CDH9: variants seen among roughly 807,000 people sequenced by gnomAD.
CDH9 encodes the protein cadherin 9, also known as cadherin-9.
CDH9 carries 28 observed loss-of-function variants against 70.9 expected under a neutral mutation model. That is an observed-to-expected ratio of 0.40 (90% CI 0.29 to 0.54). The LOEUF (loss-of-function observed/expected upper bound fraction) is 0.54. CDH9 is among the 20% of genes least tolerant of loss of function. The pLI is 0.59. For synonymous variants in CDH9, 409 were observed against 343.1 expected, an observed-to-expected ratio of 1.19 and a Z score of -2.12; for missense variants, 874 against 984.4, an observed-to-expected ratio of 0.89 and a Z score of 1.50.
chr5:26,925,412 T>A (rs1366998189), intron 2 of CDH9, among the ~76,000 whole-genome samples: 1 of 152,172 alleles, frequency 6.6e-6, no homozygotes, highest in Non-Finnish European at 1.5e-5. Context: ...TTTATTCTTG[T>A]AAGTTTGTTT....
chr5:26,958,443 G>C (rs1181107692), intron 2 of CDH9, among the ~76,000 whole-genome samples: 1 of 152,148 alleles, frequency 6.6e-6, no homozygotes, highest in Non-Finnish European at 1.5e-5. Context: ...CTCTCTGCGT[G>C]CCTCCTGAGA....
intron 2 of CDH9, among the ~76,000 whole-genome samples, chr5:26,970,270 T>C (rs1742196056): frequency 6.6e-6 from 1 of 152,026 alleles, no homozygotes; most frequent in Non-Finnish European, 1.5e-5. Context: ...TTCCCCTTCA[T>C]ATATACAGTG....
intron 1 of CDH9, among the ~76,000 whole-genome samples, chr5:27,030,117 T>C (rs1743286034): frequency 6.6e-6 from 1 of 151,958 alleles, no homozygotes; most frequent in Non-Finnish European, 1.5e-5. Context: ...CAGGACTGCA[T>C]TGTTGGAAGA....
At chr5:26,997,626 C>A (rs1306673693) in intron 1 of CDH9, among the ~76,000 whole-genome samples, 1 of 152,122 alleles carries the variant, frequency 6.6e-6, no homozygotes, top group Non-Finnish European at 1.5e-5. Context: ...TCCTGACATG[C>A]TGACATGTTT....
chr5:26,902,586 A>G lies in CDH9; in HGVS notation c.1143T>C (p.Pro381=). The G allele has an allele frequency of 6.2e-7, 1 of 1,600,922 alleles. No individual in the cohort carries two copies. The change falls in exon 7 of 12, where the codon CCT becomes CCC. Residue 381 remains proline, a synonymous_variant. Coordinates refer to ENST00000231021, the MANE Select transcript of CDH9 (RefSeq NM_016279.4). ...TCAAGTAAGAGACTTTAGTGAACAC[A>G]GGAGGCTCATCTATATCTTCCACAG... is the stretch of plus-strand genomic sequence containing the variant. ...KISVEDIDEP[P]VFTKVSYLIE... is the part of the protein sequence containing the mutation.
intron 2 of CDH9, among the ~76,000 whole-genome samples, chr5:26,961,065 T>C (rs1372804749): frequency 6.6e-6 from 1 of 152,080 alleles, no homozygotes; most frequent in Non-Finnish European, 1.5e-5. Flanking sequence ...TTAAAGTTGA[T>C]TGCCCATTTC....
intron 2 of CDH9, among the ~76,000 whole-genome samples, chr5:26,969,242 C>A (rs1742177974): frequency 2.0e-5 from 3 of 152,106 alleles, no homozygotes; most frequent in Admixed American, 6.5e-5. Context: ...AATATATCCG[C>A]TGAATAAATC....
At position 26,955,572 on chromosome 5, in the gene CDH9, A is replaced by ATCTC. The variant is rs10541203; in HGVS notation, c.228+32530_228+32533dup. 2.1e-3 allele frequency among the ~76,000 whole-genome samples: 307 copies of ATCTC among 144,324 alleles called. 1 individual carries two copies. The highest frequency in any genetic ancestry group is 3.0e-3 in the Non-Finnish European group (197 of 65,580). 94.7% of individuals were successfully genotyped at this position (144,324 alleles called of 152,430 possible). ...TCTCAGATGTTTCTGTTGTGGCAGT[A>ATCTC]TCTCTCTCTCTCTCTCTCTCTCTCT... On this transcript the variant is annotated intron_variant, in intron 2 of 11. Coordinates refer to ENST00000231021, the MANE Select transcript of CDH9 (RefSeq NM_016279.4).
intron 2 of CDH9, among the ~76,000 whole-genome samples, chr5:26,965,011 C>CA (rs1742105206): frequency 6.6e-6 from 1 of 152,062 alleles, no homozygotes; most frequent in Admixed American, 6.6e-5. Context: ...ATCAAAATTT[C>CA]AAATGCTTAT....
intron 2 of CDH9, among the ~76,000 whole-genome samples, chr5:26,978,267 T>C (rs780255686): frequency 5.3e-5 from 8 of 151,836 alleles, no homozygotes; most frequent in Non-Finnish European, 7.4e-5. Context: ...TTGACATCAA[T>C]ATATTGAAGA....
At chr5:26,999,824 G>A (rs1289360055) in intron 1 of CDH9, among the ~76,000 whole-genome samples, 2 of 151,984 alleles carry the variant, frequency 1.3e-5, no homozygotes, top group African/African-American at 4.8e-5. Context: ...AAAGGACTTT[G>A]TCTTCCCAGA....
rs1230931741 is a variant in CDH9, at chr5:26,987,935, A to G, written c.228+171T>C. 2.6e-5 allele frequency among the ~76,000 whole-genome samples: 4 copies of G among 152,120 alleles called. No homozygotes were observed. The East Asian group carries it at 5.8e-4, about 22-fold the overall frequency. ...TTATTGACATTGATTTACATTTAGA[A>G]CCCAAATATGGTTCCTTGTTCTTCC... is the stretch of plus-strand genomic sequence containing the variant. On this transcript the variant is annotated intron_variant, in intron 2 of 11. Transcript: ENST00000231021.
chr5:26,985,483 T>A (rs1260785461), intron 2 of CDH9, among the ~76,000 whole-genome samples: 1 of 152,120 alleles, frequency 6.6e-6, no homozygotes, highest in Non-Finnish European at 1.5e-5. Context: ...TTTATTAAAT[T>A]TTTCTGCACT....
intron 3 of CDH9, among the ~76,000 whole-genome samples, chr5:26,907,661 T>C (rs1198019541): frequency 2.0e-5 from 3 of 152,128 alleles, no homozygotes; most frequent in Non-Finnish European, 2.9e-5. Flanking sequence ...ATAAAATATA[T>C]TGATGAATTT....
At chr5:27,015,116 A>G (rs577293896) in intron 1 of CDH9, among the ~76,000 whole-genome samples, 194 of 151,960 alleles carry the variant, frequency 1.3e-3, no homozygotes, top group Non-Finnish European at 2.3e-3. Flanking sequence ...AAAACACTGT[A>G]AAGTTAAAAA....
At chr5:26,978,299 A>C in intron 2 of CDH9, among the ~76,000 whole-genome samples, 1 of 151,968 alleles carries the variant, frequency 6.6e-6, no homozygotes, top group Admixed American at 6.6e-5. Context: ...ATACTAAAAT[A>C]ATTGGAAGTA....
chr5:26,906,536 G>T (rs189627592), intron 4 of CDH9, among the ~76,000 whole-genome samples, 183 bp downstream of exon 4: 12 of 151,950 alleles, frequency 7.9e-5, no homozygotes, highest in African/African-American at 2.9e-4. Flanking sequence ...AAGAGCTAAG[G>T]GTTCAAATAA....
chr5:26,885,397 A>G (rs1388876499), intron 11 of CDH9, among the ~76,000 whole-genome samples: 3 of 152,224 alleles, frequency 2.0e-5, no homozygotes, highest in Admixed American at 6.5e-5. Context: ...GCATGTGTAT[A>G]GCATTTGTTA....
intron 9 of CDH9, among the ~76,000 whole-genome samples, chr5:26,889,579 A>G (rs954163268): frequency 6.6e-6 from 1 of 152,144 alleles, no homozygotes; most frequent in Non-Finnish European, 1.5e-5. Context: ...TACATATGTG[A>G]TATTCACTAT....
Sources: allele counts gnomAD v4.1 joint callset (sites outside exome capture counted in the v4.1 genomes callset), GRCh38; gene constraint gnomAD v4.1.1; transcripts MANE v1.5; gene names NCBI Gene and HGNC (gene_info 2026-07-23, HGNC 2026-07-21).